BRDT: variants seen among roughly 807,000 people sequenced by gnomAD.
The protein encoded by BRDT is bromodomain testis associated.
In BRDT, 77 loss-of-function variants were observed where a neutral mutation model predicts 113.9. That is an observed-to-expected ratio of 0.68 (90% CI 0.56 to 0.82). BRDT has a LOEUF of 0.82. Ranked by LOEUF, BRDT falls within the 40% of genes least tolerant of loss-of-function variation. The probability of loss-of-function intolerance (pLI) is 0.00; values close to 1 mark genes in which losing one functional copy is unlikely to be tolerated. For missense variants in BRDT, 1,027 were observed against 1,105.4 expected (o/e 0.93, Z 1.01); for synonymous variants, 358 against 366.5 (o/e 0.98, Z 0.26).
chr1:91,999,529 CTG>C (rs1398828047), intron 15 of BRDT, among the ~76,000 whole-genome samples: 1 of 152,164 alleles, frequency 6.6e-6, no homozygotes, highest in African/African-American at 2.4e-5. Flanking sequence ...TTAAGCCTCT[CTG>C]TTTTTTTCAT....
At chr1:91,966,945 T>G (rs1442954081) in intron 3 of BRDT, among the ~76,000 whole-genome samples, 4 of 152,092 alleles carry the variant, frequency 2.6e-5, no homozygotes, top group South Asian at 2.1e-4. Flanking sequence ...GGCAGGCACC[T>G]GTAATCCCAG....
intron 1 of BRDT, among the ~76,000 whole-genome samples, chr1:91,959,201 A>G (rs1339414882): frequency 6.6e-6 from 1 of 152,186 alleles, no homozygotes; most frequent in East Asian, 1.9e-4. Context: ...AACGTAATAC[A>G]TAGTAAATAA....
Position 91,980,892 on chromosome 1 carries a change from G to A in BRDT, c.1464G>A (p.Gln488=), listed in dbSNP as rs1463597261. 6.3e-7 allele frequency: 1 copy of A among 1,599,458 alleles called. No homozygotes were observed. The highest frequency in any genetic ancestry group is 1.4e-5 in the African/African-American group (1 of 73,898). ...MRLKEKSKRN[Q]PKKRKQQFIG... ...CTAAATTTAGTTTTTGTTACAGTCA[G>A]CCAAAGAAAAGGAAACAACAGTTCA... The change falls in exon 10 of 19, where the codon CAG becomes CAA. Residue 488 remains glutamine (Q), a synonymous_variant. Coordinates refer to ENST00000399546, the MANE Select transcript of BRDT (RefSeq NM_207189.4).
At chr1:92,011,591 C>A (rs1222891341) in intron 18 of BRDT, among the ~76,000 whole-genome samples, 8 of 152,214 alleles carry the variant, frequency 5.3e-5, no homozygotes, top group Non-Finnish European at 7.4e-5. Flanking sequence ...GGCACTCACA[C>A]GGGCCTGACT....
intron 18 of BRDT, among the ~76,000 whole-genome samples, chr1:92,007,287 G>A (rs1687401221): frequency 6.6e-6 from 1 of 151,708 alleles, no homozygotes; most frequent in South Asian, 2.1e-4. Flanking sequence ...TTGTTACATA[G>A]GTAAACTGGT....
At chr1:92,008,109 G>A (rs1056748123) in intron 18 of BRDT, among the ~76,000 whole-genome samples, 2 of 152,134 alleles carry the variant, frequency 1.3e-5, no homozygotes, top group Non-Finnish European at 2.9e-5. Flanking sequence ...GTAGAGCCAA[G>A]GTTTCGCCAT....
chr1:91,984,531 A>G (rs1446566705), intron 12 of BRDT, among the ~76,000 whole-genome samples: 1 of 152,272 alleles, frequency 6.6e-6, no homozygotes, highest in Non-Finnish European at 1.5e-5. Flanking sequence ...AAGAAAATTT[A>G]ATTTATGAAA....
chr1:91,955,918 G>C (rs1681715388), intron 1 of BRDT, among the ~76,000 whole-genome samples: 1 of 152,140 alleles, frequency 6.6e-6, no homozygotes, highest in Non-Finnish European at 1.5e-5. Context: ...GCCATCTGTG[G>C]CCCTCAATTA....
intron 4 of BRDT, among the ~76,000 whole-genome samples, chr1:91,969,161 C>T (rs953146830): frequency 1.1e-4 from 16 of 151,854 alleles, no homozygotes; most frequent in Middle Eastern, 3.2e-3. Flanking sequence ...AGGATGGTCT[C>T]GATCTCCTGA....
chr1:91,968,253 C>A lies in BRDT; in HGVS notation c.438C>A (p.Ile146=). The A allele has an allele frequency of 6.2e-7, 1 of 1,613,938 alleles. No homozygotes were observed. Among genetic ancestry groups the A allele is most frequent in the Non-Finnish European group, 8.5e-7 (1 of 1,179,940 alleles). ...EEQVVGVKER[I]KKGTQQNIAV... is the part of the protein sequence containing the mutation. ...AAGTTGTGGGTGTTAAGGAAAGAATCAAGAAAGGTAAGGCAGGAGGTAAAC... is the reference window on the plus strand; with the variant it reads ...AAGTTGTGGGTGTTAAGGAAAGAATAAAGAAAGGTAAGGCAGGAGGTAAAC... The change falls in exon 4 of 19, where the codon ATC becomes ATA. Residue 146 remains isoleucine, a synonymous_variant. Transcript: ENST00000399546.
intron 14 of BRDT, 98 bp downstream of exon 14, chr1:91,992,412 CAA>C (rs55996004): frequency 0.12 from 21,465 of 178,506 alleles, 346 homozygotes; most frequent in South Asian, 0.13. Context: ...TGAAGAGAGG[CAA>C]AAAAAAAAAA....
chr1:92,010,746 G>A (rs1463399963), intron 18 of BRDT, among the ~76,000 whole-genome samples: 2 of 151,966 alleles, frequency 1.3e-5, no homozygotes, highest in African/African-American at 2.4e-5. Context: ...TTAAAAATGT[G>A]TGTGGTTTTT....
chr1:91,993,347 C>A (rs1685975902), intron 14 of BRDT, among the ~76,000 whole-genome samples: 1 of 152,192 alleles, frequency 6.6e-6, no homozygotes. Context: ...GATAAGGCTA[C>A]TGGGCTTTGC....
rs142312820 is a variant in BRDT, at chr1:91,953,470, A to G, written c.-38+3788A>G. On this transcript the variant is annotated intron_variant, in intron 1 of 18. Coordinates refer to ENST00000399546, the MANE Select transcript of BRDT (RefSeq NM_207189.4). ...TGAGGCAGGAGGATTGCTTGAGCCC[A>G]GGAGTTCAAGACCAGCCCGGCCAAT... Among the ~76,000 whole-genome samples, 719 of 152,158 alleles carry G rather than the reference A, an allele frequency of 4.7e-3. 4 individuals carry two copies. The highest frequency in any genetic ancestry group is 0.018 in the South Asian group (85 of 4,820).
intron 1 of BRDT, chr1:91,950,222 G>C (rs991463400): frequency 6.6e-6 from 1 of 152,290 alleles, no homozygotes; most frequent in African/African-American, 2.4e-5. Flanking sequence ...GCCGAGGCAA[G>C]TGGATCACCT....
At chr1:91,971,997 C>A (rs534060866) in intron 4 of BRDT, among the ~76,000 whole-genome samples, 1 of 151,542 alleles carries the variant, frequency 6.6e-6, no homozygotes, top group African/African-American at 2.4e-5. Context: ...ATCCTTCCAG[C>A]TATTGTTCCT....
rs1473774974 is a variant in BRDT at position 91,978,970 on chromosome 1, C to T, written c.1099-599C>T. The stretch of plus-strand genomic sequence containing the variant: ...CCGAAATTGCGCCACTGCACTCCAG[C>T]CTGGGCGACAGAGCGAGACTACGTC... On this transcript the variant is annotated intron_variant, in intron 7 of 18. Transcript: ENST00000399546. Among the ~76,000 whole-genome samples, 4 of 134,592 alleles carry T rather than the reference C, an allele frequency of 3.0e-5. No individual in the cohort carries two copies. The East Asian group carries it at 9.1e-4, about 31-fold the overall frequency. 88.3% of individuals were successfully genotyped at this position (134,592 alleles called of 152,430 possible).
chr1:91,971,834 T>A (rs1198576208), intron 4 of BRDT, among the ~76,000 whole-genome samples: 1 of 152,178 alleles, frequency 6.6e-6, no homozygotes, highest in Non-Finnish European at 1.5e-5. Flanking sequence ...AATGCCTTCA[T>A]TTGTGAACGG....
At chr1:91,995,130 G>A (rs1295515771) in intron 15 of BRDT, among the ~76,000 whole-genome samples, 1 of 151,968 alleles carries the variant, frequency 6.6e-6, no homozygotes, top group Non-Finnish European at 1.5e-5. Flanking sequence ...TGTGTGGCAC[G>A]AAGGGTACTT....
Sources: allele counts gnomAD v4.1 joint callset (sites outside exome capture counted in the v4.1 genomes callset), GRCh38; gene constraint gnomAD v4.1.1; transcripts MANE v1.5; gene names NCBI Gene and HGNC (gene_info 2026-07-23, HGNC 2026-07-21).